Variants in HLCS observed in about 807,000 individuals in gnomAD.
The protein encoded by HLCS is holocarboxylase synthetase.
A neutral mutation model predicts 75.0 loss-of-function variants in HLCS; 53 were observed. The observed-to-expected ratio is 0.71, with a 90% CI of 0.57 to 0.89. HLCS has a LOEUF of 0.89. HLCS is among the 40% of genes least tolerant of loss of function. The pLI is 0.00. For missense variants in HLCS, 966 were observed against 1,074.0 expected, an observed-to-expected ratio of 0.90 and a Z score of 1.41; for synonymous variants, 431 against 428.6, an observed-to-expected ratio of 1.01 and a Z score of -0.07.
chr21:36,933,448 G>C (rs183122627), intron 4 of HLCS, among the ~76,000 whole-genome samples: 85 of 151,672 alleles, frequency 5.6e-4, no homozygotes, highest in African/African-American at 1.8e-3. Flanking sequence ...TTACTTGGGA[G>C]GCTGAGGCAG....
intron 6 of HLCS, among the ~76,000 whole-genome samples, chr21:36,796,028 T>C (rs1450189101): frequency 6.6e-6 from 1 of 152,214 alleles, no homozygotes. Context: ...GGACTCAAAA[T>C]AGTTGCAATC....
chr21:36,913,212 C>T (rs1299994274), intron 5 of HLCS, among the ~76,000 whole-genome samples: 2 of 152,066 alleles, frequency 1.3e-5, no homozygotes, highest in African/African-American at 2.4e-5. Context: ...CCCATGAAAC[C>T]AAATCTGTCT....
intron 6 of HLCS, among the ~76,000 whole-genome samples, chr21:36,853,245 C>T (rs906255590): frequency 3.3e-5 from 5 of 152,170 alleles, no homozygotes; most frequent in Non-Finnish European, 7.3e-5. Flanking sequence ...TATTTCGGAG[C>T]GAGCTTGGAG....
At chr21:36,884,296 T>C (rs1350912913) in intron 6 of HLCS, among the ~76,000 whole-genome samples, 1 of 152,234 alleles carries the variant, frequency 6.6e-6, no homozygotes, top group Non-Finnish European at 1.5e-5. Context: ...CTCCTACAAA[T>C]GGCATTACCA....
At position 36,966,425 on chromosome 21, in the gene HLCS, G is replaced by GGGCGCCCC; in HGVS notation, c.195+18_195+19insGGGGCGCC. On this transcript the variant is annotated intron_variant, in intron 1 of 10. Transcript: ENST00000674895. ...CCGGCTCGCGGGGCCCGGGTCGCCC[G>GGGCGCCCC]CCCGCCCGACCCGCCCACCTGGCTG... 3.1e-5 allele frequency: 6 copies of GGGCGCCCC among 195,438 alleles called. No individual in the cohort carries two copies. Among genetic ancestry groups the GGGCGCCCC allele is most frequent in the Non-Finnish European group, 5.1e-5 (6 of 116,690 alleles). The allele number at this position is 195,438 out of a possible 1,614,324, so 12.1% of individuals were successfully genotyped here.
intron 5 of HLCS, among the ~76,000 whole-genome samples, chr21:36,898,390 G>A (rs1196573771): frequency 1.6e-5 from 2 of 128,416 alleles, no homozygotes; most frequent in African/African-American, 3.2e-5. Context: ...AGGCTGCAGT[G>A]AGCCAAGATC....
intron 1 of HLCS, chr21:36,990,127 C>A (rs2069322910): frequency 6.5e-6 from 1 of 152,792 alleles, no homozygotes; most frequent in African/African-American, 2.4e-5. Context: ...GAACGCCCAC[C>A]CCTGTCCCGG....
chr21:36,953,954 G>GT (rs1569241873), intron 2 of HLCS, among the ~76,000 whole-genome samples: 3 of 152,124 alleles, frequency 2.0e-5, no homozygotes, highest in Admixed American at 1.3e-4. Flanking sequence ...CAGTACTCAC[G>GT]TATTTCTGGT....
At chr21:36,767,103 T>A in intron 7 of HLCS, 115 bp downstream of exon 7, 2 of 993,750 alleles carry the variant, frequency 2.0e-6, no homozygotes. Flanking sequence ...AAACAGAATC[T>A]ACTAACTTGA....
chr21:36,944,711 C>A (rs1055858695), intron 2 of HLCS, among the ~76,000 whole-genome samples: 1 of 152,106 alleles, frequency 6.6e-6, no homozygotes, highest in Non-Finnish European at 1.5e-5. Flanking sequence ...TTTTGGGTCA[C>A]CTCCCTCCAT....
chr21:36,846,457 C>G (rs1223133855), intron 6 of HLCS, among the ~76,000 whole-genome samples: 1 of 151,938 alleles, frequency 6.6e-6, no homozygotes, highest in Non-Finnish European at 1.5e-5. Context: ...CAGGGCAGTT[C>G]CCCTGAATGT....
At chr21:36,945,729 G>A (rs186269378) in intron 2 of HLCS, among the ~76,000 whole-genome samples, 3 of 152,312 alleles carry the variant, frequency 2.0e-5, no homozygotes, top group Admixed American at 2.0e-4. Flanking sequence ...TTTAGAATTA[G>A]ATAATGCTAA....
At chr21:36,960,660 T>G (rs1191762422) in intron 2 of HLCS, among the ~76,000 whole-genome samples, 14 of 152,216 alleles carry the variant, frequency 9.2e-5, no homozygotes, top group African/African-American at 2.7e-4. Context: ...CAATACAGCA[T>G]CTTACAGATA....
At chr21:36,775,013 G>A (rs977553666) in intron 6 of HLCS, among the ~76,000 whole-genome samples, 2 of 152,176 alleles carry the variant, frequency 1.3e-5, no homozygotes, top group African/African-American at 4.8e-5. Flanking sequence ...CGCTCTTGGT[G>A]TAGAACAGGA....
chr21:36,984,291 C>T (rs1321453176), intron 1 of HLCS, among the ~76,000 whole-genome samples: 1 of 152,066 alleles, frequency 6.6e-6, no homozygotes, highest in East Asian at 1.9e-4. Context: ...TTTCCTATTA[C>T]TTACCTATGA....
At chr21:36,984,371 A>G (rs1465933844) in intron 1 of HLCS, among the ~76,000 whole-genome samples, 1 of 152,194 alleles carries the variant, frequency 6.6e-6, no homozygotes, top group African/African-American at 2.4e-5. Context: ...ATAAACTAAT[A>G]ATAAAATTAA....
chr21:36,791,399 G>C (rs1027586677), intron 6 of HLCS, among the ~76,000 whole-genome samples: 1 of 152,192 alleles, frequency 6.6e-6, no homozygotes. Flanking sequence ...GGTCGGCCAA[G>C]AGGTATGAAC....
At chr21:36,896,793 T>A (rs771169174) in intron 6 of HLCS, 67 bp downstream of exon 6, 7 of 1,554,482 alleles carry the variant, frequency 4.5e-6, no homozygotes, top group Non-Finnish European at 2.7e-6. Flanking sequence ...TCCCCGTCTA[T>A]TGGTAAGAGA....
At chr21:36,884,551 G>A (rs1292071440) in intron 6 of HLCS, among the ~76,000 whole-genome samples, 12 of 152,170 alleles carry the variant, frequency 7.9e-5, no homozygotes. Context: ...CCAACCCTCA[G>A]CAGATTCAGC....
Sources: allele counts gnomAD v4.1 joint callset (sites outside exome capture counted in the v4.1 genomes callset), GRCh38; gene constraint gnomAD v4.1.1; transcripts MANE v1.5; gene names NCBI Gene and HGNC (gene_info 2026-07-23, HGNC 2026-07-21).